Variants in PAPPA2 observed in about 807,000 individuals in gnomAD.
PAPPA2 encodes the protein pappalysin-2.
PAPPA2 carries 86 observed loss-of-function variants against 176.4 expected under a neutral mutation model. The observed-to-expected ratio is 0.49, with a 90% CI of 0.41 to 0.58. PAPPA2 has a LOEUF of 0.58. Among genes scored for constraint, PAPPA2 ranks in the 20% least tolerant of loss-of-function variants. PAPPA2 has a pLI of 0.00. For missense variants in PAPPA2, 2,073 were observed against 2,256.9 expected (o/e 0.92, Z 1.65); for synonymous variants, 809 against 852.2 (o/e 0.95, Z 0.88).
intron 21 of PAPPA2, among the ~76,000 whole-genome samples, chr1:176,838,920 C>T (rs1025635302): frequency 6.6e-6 from 1 of 152,208 alleles, no homozygotes; most frequent in African/African-American, 2.4e-5. Flanking sequence ...TAAATCAAAA[C>T]ATGGAAGTAA....
intron 12 of PAPPA2, among the ~76,000 whole-genome samples, chr1:176,732,121 A>G (rs1662188377): frequency 1.3e-5 from 2 of 152,226 alleles, no homozygotes; most frequent in African/African-American, 2.4e-5. Flanking sequence ...GAAAAAGCCC[A>G]TGTACAGATG....
chr1:176,622,362 TCA>T (rs2102693291), intron 3 of PAPPA2, among the ~76,000 whole-genome samples: 1 of 152,344 alleles, frequency 6.6e-6, no homozygotes, highest in East Asian at 1.9e-4. Context: ...CCTGAATCTC[TCA>T]CAGTTTGCTA....
intron 8 of PAPPA2, 57 bp from the exon 9 acceptor site, chr1:176,702,550 C>A (rs190484187): frequency 6.2e-6 from 10 of 1,600,160 alleles, no homozygotes; most frequent in Non-Finnish European, 8.5e-6. Context: ...CAACAAAGGA[C>A]CCAGGGCATG....
At chr1:176,701,352 G>C (rs1660644004) in intron 8 of PAPPA2, among the ~76,000 whole-genome samples, 1 of 152,144 alleles carries the variant, frequency 6.6e-6, no homozygotes, top group Non-Finnish European at 1.5e-5. Context: ...AAAGTGTGAA[G>C]CTTTTATGCA....
chr1:176,814,195 A>G (rs575737334), intron 21 of PAPPA2, among the ~76,000 whole-genome samples: 71 of 152,294 alleles, frequency 4.7e-4, no homozygotes, highest in Middle Eastern at 3.4e-3. Flanking sequence ...GCCTTGTAGT[A>G]TAGCGTGAAG....
At chr1:176,705,803 G>A (rs987189230) in intron 9 of PAPPA2, among the ~76,000 whole-genome samples, 2 of 152,180 alleles carry the variant, frequency 1.3e-5, no homozygotes, top group Admixed American at 1.3e-4. Flanking sequence ...AGGGACCTGA[G>A]CCCTAAGGAT....
chr1:176,595,874 G>C (rs1246574407), intron 3 of PAPPA2, among the ~76,000 whole-genome samples: 1 of 151,912 alleles, frequency 6.6e-6, no homozygotes, highest in Non-Finnish European at 1.5e-5. Flanking sequence ...TATGCACCAG[G>C]TACTTGGGAC....
intron 3 of PAPPA2, among the ~76,000 whole-genome samples, chr1:176,670,056 C>A (rs1166962377): frequency 1.3e-5 from 2 of 152,180 alleles, no homozygotes; most frequent in Non-Finnish European, 2.9e-5. Context: ...TCTAGTAAGT[C>A]TAAGGGACCA....
At chr1:176,728,921 C>A (rs1039996288) in intron 12 of PAPPA2, among the ~76,000 whole-genome samples, 1 of 151,704 alleles carries the variant, frequency 6.6e-6, no homozygotes, top group African/African-American at 2.4e-5. Context: ...CCGATATTAC[C>A]CAATTATCTC....
intron 3 of PAPPA2, among the ~76,000 whole-genome samples, chr1:176,649,341 T>C (rs1284777977): frequency 1.3e-5 from 2 of 151,274 alleles, no homozygotes. Flanking sequence ...TTAGCTATTC[T>C]AGCTAATAGT....
intron 21 of PAPPA2, among the ~76,000 whole-genome samples, chr1:176,837,147 A>C (rs944964588): frequency 1.3e-5 from 2 of 152,136 alleles, no homozygotes; most frequent in Non-Finnish European, 2.9e-5. Context: ...CCACTTGCAC[A>C]CAGTCATTAT....
intron 17 of PAPPA2, among the ~76,000 whole-genome samples, chr1:176,775,174 C>T (rs1664402270): frequency 6.6e-6 from 1 of 152,150 alleles, no homozygotes; most frequent in East Asian, 1.9e-4. Context: ...GGTTACTCAT[C>T]TATATTCACG....
chr1:176,662,006 C>G (rs2102759746), intron 3 of PAPPA2, among the ~76,000 whole-genome samples: 1 of 152,224 alleles, frequency 6.6e-6, no homozygotes, highest in Non-Finnish European at 1.5e-5. Context: ...ACATGATTGT[C>G]TTGCTCATTG....
intron 1 of PAPPA2, among the ~76,000 whole-genome samples, chr1:176,547,902 A>T (rs887186713): frequency 2.6e-5 from 4 of 152,168 alleles, no homozygotes; most frequent in African/African-American, 4.8e-5. Context: ...AGGATTTTTT[A>T]AAAAATGTGG....
At chr1:176,612,470 G>A (rs1654988353) in intron 3 of PAPPA2, among the ~76,000 whole-genome samples, 1 of 152,110 alleles carries the variant, frequency 6.6e-6, no homozygotes, top group Admixed American at 6.5e-5. Flanking sequence ...AGTATACAAA[G>A]TGATTGCCCA....
chr1:176,551,378 G>A (rs953680884), intron 1 of PAPPA2, among the ~76,000 whole-genome samples: 5 of 152,202 alleles, frequency 3.3e-5, no homozygotes, highest in African/African-American at 1.2e-4. Flanking sequence ...TGTTCTAGGA[G>A]GCTTTTATTA....
At position 176,791,467 on chromosome 1, in the gene PAPPA2, C is replaced by A; in HGVS notation, c.5005C>A (p.Gln1669Lys). 1 of 1,613,712 alleles carries A rather than the reference C, an allele frequency of 6.2e-7. No individual in the cohort carries two copies. ...GAATTCTGTGGAGTACAAATGTGAA[C>A]AAGGATATGGGATTGGTAAGGATAG... ...ELNSVEYKCE[Q>K]GYGIGAVCSP... Residue 1669 changes from glutamine to lysine, a missense_variant, in exon 19 of 23, where the codon CAA becomes AAA. This residue lies in a region of PAPPA2 where 846 missense variants were observed against 857.9 expected (regional missense o/e 0.99). Coordinates refer to ENST00000367662, the MANE Select transcript of PAPPA2 (RefSeq NM_020318.3).
intron 1 of PAPPA2, among the ~76,000 whole-genome samples, chr1:176,506,763 G>A (rs537639106): frequency 1.3e-5 from 2 of 152,118 alleles, no homozygotes; most frequent in East Asian, 3.9e-4. Context: ...GTAGTCTTTA[G>A]GGTTTTCTAA....
In PAPPA2 at chr1:176,595,181, G is replaced by A. The variant is rs763746287; in HGVS notation, c.1577G>A (p.Arg526His). ...YWPLRGEKVIRYQVVNICDDE... is the reference protein window; with the variant it reads ...YWPLRGEKVIHYQVVNICDDE... ...CCCCTTCGGGGAGAGAAGGTGATACGCTACCAGGTGGTGAACATCTGTGAT... is the reference window on the plus strand; with the variant it reads ...CCCCTTCGGGGAGAGAAGGTGATACACTACCAGGTGGTGAACATCTGTGAT... Residue 526 changes from arginine to histidine, a missense_variant, in exon 3 of 23, where the codon CGC (arginine) becomes CAC (histidine). Physicochemically the swap from Arg to His is conservative, Grantham distance 29. Transcript: ENST00000367662. The A allele has an allele frequency of 6.2e-6, 10 of 1,614,186 alleles. No individual in the cohort carries two copies. The highest frequency in any genetic ancestry group is 2.7e-5 in the African/African-American group (2 of 75,050).
Sources: allele counts gnomAD v4.1 joint callset (sites outside exome capture counted in the v4.1 genomes callset), GRCh38; gene constraint gnomAD v4.1.1; regional missense constraint gnomAD v4.1.1; transcripts MANE v1.5; gene names NCBI Gene and HGNC (gene_info 2026-07-23, HGNC 2026-07-21).